Variants in RAI14 observed in about 807,000 individuals in gnomAD.
RAI14 encodes ankycorbin.
Under a neutral mutation model 115.4 loss-of-function variants are expected in RAI14, and 45 were observed. The observed-to-expected ratio is 0.39, with a 90% CI of 0.31 to 0.50. The LOEUF (loss-of-function observed/expected upper bound fraction) is 0.50, where lower values mean the gene tolerates loss of function less well. Among genes scored for constraint, RAI14 ranks in the 20% least tolerant of loss-of-function variants. The pLI, the probability that RAI14 is intolerant of heterozygous loss-of-function variation, is 0.85. For missense variants in RAI14, 939 were observed against 1,131.2 expected, an observed-to-expected ratio of 0.83 and a Z score of 2.44; for synonymous variants, 371 against 415.4, an observed-to-expected ratio of 0.89 and a Z score of 1.30.
intron 2 of RAI14, among the ~76,000 whole-genome samples, chr5:34,747,127 C>T (rs140551730): frequency 7.2e-4 from 109 of 152,326 alleles, no homozygotes; most frequent in African/African-American, 2.5e-3. Context: ...CCAACTAATA[C>T]AGTTCCCTCC....
chr5:34,819,473 T>A (rs1282855174), intron 13 of RAI14, among the ~76,000 whole-genome samples: 1 of 152,232 alleles, frequency 6.6e-6, no homozygotes, highest in East Asian at 1.9e-4. Flanking sequence ...CTAACTTTTC[T>A]ACTTTGGATT....
At chr5:34,669,921 TG>T (rs1743501688) in intron 1 of RAI14, among the ~76,000 whole-genome samples, 2 of 152,266 alleles carry the variant, frequency 1.3e-5, no homozygotes, top group South Asian at 4.1e-4. Context: ...ATATTTTCTC[TG>T]TTATTGACTT....
At chr5:34,795,212 T>C (rs1753364360) in intron 3 of RAI14, among the ~76,000 whole-genome samples, 1 of 152,214 alleles carries the variant, frequency 6.6e-6, no homozygotes, top group African/African-American at 2.4e-5. Context: ...CTAAACATGC[T>C]GATCATGGTT....
chr5:34,662,871 G>C (rs1212701005), intron 1 of RAI14, among the ~76,000 whole-genome samples: 1 of 151,822 alleles, frequency 6.6e-6, no homozygotes, highest in Non-Finnish European at 1.5e-5. Flanking sequence ...TGGGACTGCA[G>C]GTACATGCCA....
chr5:34,824,697 A>G (rs990491227), intron 15 of RAI14, among the ~76,000 whole-genome samples: 6 of 152,102 alleles, frequency 3.9e-5, no homozygotes, highest in African/African-American at 1.4e-4. Flanking sequence ...TAATCCCAGC[A>G]CTTTGGGAGG....
chr5:34,657,956 AT>A (rs139314538), intron 1 of RAI14, among the ~76,000 whole-genome samples: 4,712 of 152,138 alleles, frequency 0.031, 91 homozygotes, highest in Non-Finnish European at 0.045. Flanking sequence ...AACAAGTGTG[AT>A]TTTTTTCCCC....
intron 2 of RAI14, among the ~76,000 whole-genome samples, chr5:34,742,342 C>T (rs1561299012): frequency 1.3e-5 from 2 of 152,186 alleles, no homozygotes; most frequent in South Asian, 4.1e-4. Context: ...TAAATACAGG[C>T]GTGGTTAATA....
At chr5:34,739,215 T>C (rs1266554317) in intron 2 of RAI14, among the ~76,000 whole-genome samples, 6 of 152,220 alleles carry the variant, frequency 3.9e-5, no homozygotes, top group Non-Finnish European at 7.3e-5. Flanking sequence ...AATATTTGAT[T>C]CATTTAATTC....
intron 2 of RAI14, chr5:34,687,624 C>T: frequency 3.2e-6 from 5 of 1,547,984 alleles, no homozygotes; most frequent in Admixed American, 2.0e-5. Flanking sequence ...CCCATAAACC[C>T]TTCTATGATC....
intron 2 of RAI14, among the ~76,000 whole-genome samples, chr5:34,707,873 A>C (rs1279858434): frequency 6.6e-6 from 1 of 152,234 alleles, no homozygotes; most frequent in Non-Finnish European, 1.5e-5. Flanking sequence ...AGCTGTAGAC[A>C]GGAAATCCTC....
intron 2 of RAI14, among the ~76,000 whole-genome samples, chr5:34,740,681 G>T (rs985542207): frequency 1.3e-5 from 2 of 152,146 alleles, no homozygotes; most frequent in African/African-American, 4.8e-5. Context: ...GCACATGCTC[G>T]TCTGAAGCCC....
chr5:34,741,392 G>C (rs986197052), intron 2 of RAI14, among the ~76,000 whole-genome samples: 1 of 152,188 alleles, frequency 6.6e-6, no homozygotes, highest in Non-Finnish European at 1.5e-5. Flanking sequence ...GCCCTACACT[G>C]TTCCCCTCTC....
At position 34,676,742 on chromosome 5, in the gene RAI14, T is replaced by C. The variant is rs369998692; in HGVS notation, c.-48-10130T>C. Among the ~76,000 whole-genome samples the C allele has an allele frequency of 9.2e-5, 14 of 152,328 alleles. No individual in the cohort carries two copies. The South Asian group carries it at 1.9e-3, about 20-fold the overall frequency. On this transcript the variant is annotated intron_variant, in intron 1 of 17. Transcript: ENST00000265109. Reference sequence around the variant, plus strand: ...TCCAAGAGAAATGTCGTCTCCTGGATAAAGGCAAGTTGTGAATATAGGAGA... The same window carrying C: ...TCCAAGAGAAATGTCGTCTCCTGGACAAAGGCAAGTTGTGAATATAGGAGA...
In RAI14 at chr5:34,746,422, G is replaced by A. The variant is rs1746234551; in HGVS notation, c.37-11046G>A. Among the ~76,000 whole-genome samples, 5 of 144,502 alleles carry A rather than the reference G, an allele frequency of 3.5e-5. No individual in the cohort carries two copies. The Admixed American group carries it at 3.5e-4, about 10-fold the overall frequency. The allele number at this position is 144,502 out of a possible 152,430, so 94.8% of individuals were successfully genotyped here. On this transcript the variant is annotated intron_variant, in intron 2 of 17. Coordinates refer to ENST00000265109, the MANE Select transcript of RAI14 (RefSeq NM_015577.3). Reference sequence around the variant, plus strand: ...GCCTGGCCTTTTTTTTTTTTTTAACGGAGACAGACTCTCGCTCTGTAGCCT... The same window carrying A: ...GCCTGGCCTTTTTTTTTTTTTTAACAGAGACAGACTCTCGCTCTGTAGCCT...
intron 2 of RAI14, among the ~76,000 whole-genome samples, chr5:34,751,154 ATTTT>A (rs34439436): frequency 7.8e-6 from 1 of 128,022 alleles, no homozygotes; most frequent in Non-Finnish European, 1.6e-5. Flanking sequence ...CCCGGCCATA[ATTTT>A]TTTTTTTTTT....
At chr5:34,746,351 T>C (rs952370028) in intron 2 of RAI14, among the ~76,000 whole-genome samples, 18 of 150,330 alleles carry the variant, frequency 1.2e-4, no homozygotes, top group African/African-American at 4.2e-4. Flanking sequence ...ATGATCTGCC[T>C]GCCTCAGCCT....
At chr5:34,662,175 C>G (rs1303761061) in intron 1 of RAI14, among the ~76,000 whole-genome samples, 4 of 152,084 alleles carry the variant, frequency 2.6e-5, no homozygotes, top group Non-Finnish European at 4.4e-5. Context: ...GTGCTTTTAT[C>G]TATGAGGATT....
At chr5:34,697,986 T>C (rs189850060) in intron 2 of RAI14, among the ~76,000 whole-genome samples, 139 of 151,936 alleles carry the variant, frequency 9.1e-4, no homozygotes, top group African/African-American at 3.2e-3. Context: ...ATATTGTCCT[T>C]TTGGTTCATA....
At chr5:34,762,929 A>ATGTGTGTGTGTG (rs34495404) in intron 3 of RAI14, among the ~76,000 whole-genome samples, 8 of 129,038 alleles carry the variant, frequency 6.2e-5, no homozygotes, top group South Asian at 2.6e-4. Context: ...GAGTGTGTGC[A>ATGTGTGTGTGTG]TGTGTGTGTG....
Sources: allele counts gnomAD v4.1 joint callset (sites outside exome capture counted in the v4.1 genomes callset), GRCh38; gene constraint gnomAD v4.1.1; transcripts MANE v1.5; gene names NCBI Gene and HGNC (gene_info 2026-07-23, HGNC 2026-07-21).